SNTG1: variants seen among roughly 807,000 people sequenced by gnomAD.
The protein encoded by SNTG1 is gamma-1-syntrophin.
Under a neutral mutation model 74.7 loss-of-function variants are expected in SNTG1, and 39 were observed. The ratio of observed to expected loss-of-function variants is 0.52; its 90% CI spans 0.40 to 0.68. SNTG1 has a LOEUF of 0.68. SNTG1 is among the 30% of genes least tolerant of loss of function. The probability of loss-of-function intolerance (pLI) is 0.00; values close to 1 mark genes in which losing one functional copy is unlikely to be tolerated. For synonymous variants in SNTG1, 254 were observed against 217.1 expected (o/e 1.17, Z -1.49); for missense variants, 685 against 609.5 (o/e 1.12, Z -1.30).
intron 2 of SNTG1, among the ~76,000 whole-genome samples, chr8:50,205,271 G>T (rs2084167379): frequency 1.3e-5 from 2 of 152,282 alleles, no homozygotes; most frequent in South Asian, 2.1e-4. Context: ...TCTAACTGGT[G>T]TGTGATGGTA....
At chr8:50,363,326 G>C (rs1350156837) in intron 2 of SNTG1, among the ~76,000 whole-genome samples, 1 of 152,158 alleles carries the variant, frequency 6.6e-6, no homozygotes, top group African/African-American at 2.4e-5. Flanking sequence ...ATAGTGCAAA[G>C]GTGGTGAATC....
At chr8:50,582,595 T>C (rs1016829652) in intron 12 of SNTG1, among the ~76,000 whole-genome samples, 1 of 152,078 alleles carries the variant, frequency 6.6e-6, no homozygotes, top group South Asian at 2.1e-4. Flanking sequence ...TCCTGTCTGA[T>C]TTATTTGAGG....
chr8:50,453,981 T>C (rs2093479533), intron 8 of SNTG1, among the ~76,000 whole-genome samples: 1 of 152,166 alleles, frequency 6.6e-6, no homozygotes, highest in Non-Finnish European at 1.5e-5. Flanking sequence ...TCTAGCAGTG[T>C]GTGTTTTTAT....
chr8:50,306,745 T>C (rs980716382), intron 2 of SNTG1, among the ~76,000 whole-genome samples: 2 of 152,068 alleles, frequency 1.3e-5, no homozygotes, highest in Admixed American at 6.6e-5. Flanking sequence ...TGGATTTTTT[T>C]TTCTGATTTC....
intron 8 of SNTG1, among the ~76,000 whole-genome samples, chr8:50,476,933 G>C (rs1314796185): frequency 1.3e-5 from 2 of 151,358 alleles, no homozygotes; most frequent in Non-Finnish European, 2.9e-5. Flanking sequence ...TGTCAAAGGA[G>C]CAAAGGAGCC....
chr8:50,063,171 G>A (rs203952), intron 1 of SNTG1, among the ~76,000 whole-genome samples: 131,611 of 152,290 alleles, frequency 0.86, 57,011 homozygotes, highest in East Asian at 0.99. Flanking sequence ...CATCAGATAC[G>A]TAATCTCAGA....
chr8:50,460,644 CTTGAG>C (rs1187448677), intron 8 of SNTG1, among the ~76,000 whole-genome samples: 2 of 152,104 alleles, frequency 1.3e-5, no homozygotes, highest in Non-Finnish European at 1.5e-5. Context: ...TTTGATACAT[CTTGAG>C]TTAATTTTTG....
chr8:49,995,722 C>T (rs553343701), intron 1 of SNTG1, among the ~76,000 whole-genome samples: 2 of 152,346 alleles, frequency 1.3e-5, no homozygotes, highest in African/African-American at 4.8e-5. Context: ...GAAGTCAGCT[C>T]TAGAGGAGCA....
intron 2 of SNTG1, among the ~76,000 whole-genome samples, chr8:50,284,578 C>G (rs1042092540): frequency 6.6e-6 from 1 of 152,122 alleles, no homozygotes; most frequent in Non-Finnish European, 1.5e-5. Context: ...CCTGGAACCA[C>G]AAAATGCTCC....
chr8:50,050,117 T>C (rs1005464474), intron 1 of SNTG1, among the ~76,000 whole-genome samples: 3 of 151,010 alleles, frequency 2.0e-5, no homozygotes, highest in African/African-American at 7.3e-5. Flanking sequence ...CAGAAATCAA[T>C]AAAATTAAAT....
At chr8:49,983,928 A>T (rs543071529) in intron 1 of SNTG1, among the ~76,000 whole-genome samples, 1 of 152,138 alleles carries the variant, frequency 6.6e-6, no homozygotes, top group Non-Finnish European at 1.5e-5. Flanking sequence ...CCTTGGTAGG[A>T]TTTAACTTTC....
intron 17 of SNTG1, among the ~76,000 whole-genome samples, chr8:50,719,963 A>G (rs1033001): frequency 0.94 from 143,037 of 152,226 alleles, 67,245 homozygotes; most frequent in East Asian, 1. Flanking sequence ...TTTTTATGTG[A>G]AGTTAATTTG....
chr8:50,001,492 G>A (rs1172919319), intron 1 of SNTG1, among the ~76,000 whole-genome samples: 1 of 152,162 alleles, frequency 6.6e-6, no homozygotes, highest in Non-Finnish European at 1.5e-5. Context: ...GAGGAGCCTG[G>A]CTAGAGTTCA....
At chr8:50,184,763 G>A (rs904998422) in intron 2 of SNTG1, among the ~76,000 whole-genome samples, 1 of 152,034 alleles carries the variant, frequency 6.6e-6, no homozygotes, top group African/African-American at 2.4e-5. Flanking sequence ...TTAAACAATA[G>A]ATATTAGTGC....
At chr8:50,631,913 AAATC>A (rs1471945258) in intron 13 of SNTG1, among the ~76,000 whole-genome samples, 1 of 152,238 alleles carries the variant, frequency 6.6e-6, no homozygotes, top group African/African-American at 2.4e-5. Flanking sequence ...ATTAGACACT[AAATC>A]AATGCTCACG....
intron 1 of SNTG1, among the ~76,000 whole-genome samples, chr8:50,024,577 C>A (rs1585941633): frequency 1.3e-5 from 2 of 152,142 alleles, no homozygotes; most frequent in African/African-American, 4.8e-5. Context: ...GTGCCTGAAA[C>A]CTTGGACACT....
intron 2 of SNTG1, among the ~76,000 whole-genome samples, chr8:50,320,749 C>A (rs1446193919): frequency 6.6e-6 from 1 of 151,850 alleles, no homozygotes; most frequent in Non-Finnish European, 1.5e-5. Context: ...TTCCAATTTT[C>A]TTCTCAATTT....
At chr8:50,523,654 G>A (rs1005085646) in intron 9 of SNTG1, among the ~76,000 whole-genome samples, 3 of 152,060 alleles carry the variant, frequency 2.0e-5, no homozygotes, top group Non-Finnish European at 4.4e-5. Context: ...AGCTCCAAAA[G>A]AATTACAATA....
chr8:50,781,381 G>A (rs938100209), intron 18 of SNTG1, among the ~76,000 whole-genome samples: 6 of 152,154 alleles, frequency 3.9e-5, no homozygotes, highest in African/African-American at 1.2e-4. Flanking sequence ...TATGAATCTG[G>A]GTGCTCCTGT....
Sources: allele counts gnomAD v4.1 joint callset (sites outside exome capture counted in the v4.1 genomes callset), GRCh38; gene constraint gnomAD v4.1.1; transcripts MANE v1.5; gene names NCBI Gene and HGNC (gene_info 2026-07-23, HGNC 2026-07-21).